BSPH1: variants seen among roughly 807,000 people sequenced by gnomAD.
BSPH1 encodes the protein binder of sperm 1.
In BSPH1, 21 loss-of-function variants were observed where a neutral mutation model predicts 22.5. The observed-to-expected ratio is 0.93, with a 90% CI of 0.66 to 1.35. The LOEUF is 1.35. Ranked by LOEUF, BSPH1 falls within the 40% of genes most tolerant of loss-of-function variation. The pLI, the probability that BSPH1 is intolerant of heterozygous loss-of-function variation, is 0.00. For missense variants in BSPH1, 141 were observed against 154.2 expected (o/e 0.91, Z 0.45); for synonymous variants, 42 against 53.6 (o/e 0.78, Z 0.95).
Position 47,974,269 on chromosome 19 carries a change from C to CT in BSPH1, c.*2+2440dup, listed in dbSNP as rs558434334. 7.9e-3 allele frequency among the ~76,000 whole-genome samples: 601 copies of CT among 75,956 alleles called. 10 individuals are homozygous for CT. Among genetic ancestry groups the CT allele is most frequent in the East Asian group, 0.034 (82 of 2,440 alleles). 49.8% of individuals were successfully genotyped at this position (75,956 alleles called of 152,430 possible). On this transcript the variant is annotated intron_variant, in intron 5 of 5. Coordinates refer to ENST00000344839, the MANE Select transcript of BSPH1 (RefSeq NM_001128326.2). ...CCACAGCCACTTTCTCTCTCTCTCT[C>CT]TTTTTTTTTTTTTTTTTTGAGATGG...
At chr19:47,984,584 C>T (rs1381282092) in intron 1 of BSPH1, among the ~76,000 whole-genome samples, 2 of 152,118 alleles carry the variant, frequency 1.3e-5, no homozygotes, top group Non-Finnish European at 2.9e-5. Flanking sequence ...AGAACAAAAT[C>T]ATGTCCTTTT....
At chr19:47,970,337 G>T (rs1173324327) in intron 5 of BSPH1, among the ~76,000 whole-genome samples, 1 of 152,230 alleles carries the variant, frequency 6.6e-6, no homozygotes, top group East Asian at 1.9e-4. Flanking sequence ...GGGATCACAG[G>T]CATGAACGAC....
chr19:47,967,544 C>T (rs1969270377), downstream of BSPH1, among the ~76,000 whole-genome samples: 1 of 152,130 alleles, frequency 6.6e-6, no homozygotes, highest in Non-Finnish European at 1.5e-5. Flanking sequence ...TGCAGATGGC[C>T]ACCCCCTTAG....
chr19:47,979,476 A>AT (rs35111956), intron 3 of BSPH1, 94 bp downstream of exon 3: 10,851 of 661,194 alleles, frequency 0.016, 416 homozygotes, highest in East Asian at 0.14. Flanking sequence ...AGAAAAAATG[A>AT]TTTTTTTTAC....
intron 2 of BSPH1, among the ~76,000 whole-genome samples, chr19:47,979,994 T>C (rs1209711154): frequency 2.0e-5 from 3 of 152,170 alleles, no homozygotes; most frequent in African/African-American, 4.8e-5. Flanking sequence ...TTAAAACTAA[T>C]AATTTTTATT....
intron 5 of BSPH1, among the ~76,000 whole-genome samples, chr19:47,970,092 T>A (rs1358876072): frequency 6.6e-6 from 1 of 152,184 alleles, no homozygotes; most frequent in Non-Finnish European, 1.5e-5. Context: ...GGAGTCTCAC[T>A]CTGTCACTCA....
rs188280416 is a variant in BSPH1 at position 47,991,316 on chromosome 19, T to C, written c.73+693A>G. 3.0e-3 allele frequency among the ~76,000 whole-genome samples: 449 copies of C among 152,180 alleles called. 1 individual carries two copies. The highest frequency in any genetic ancestry group is 0.01 in the African/African-American group (424 of 41,522). The stretch of plus-strand genomic sequence containing the variant: ...CGACCAGCTGATGTCCAAGATTTTA[T>C]AGCCCCTGGAACTAACCACAACCAC... On this transcript the variant is annotated intron_variant, in intron 1 of 5. Transcript: ENST00000344839.
At chr19:47,967,971 T>A (rs965985781), downstream of BSPH1, 1 of 152,180 alleles carries the variant, frequency 6.6e-6, no homozygotes, top group African/African-American at 2.4e-5. Flanking sequence ...GGAAGATGCA[T>A]CTTAGTGGAT....
chr19:47,982,898 G>C (rs1017098784), intron 1 of BSPH1, among the ~76,000 whole-genome samples: 7 of 152,116 alleles, frequency 4.6e-5, no homozygotes, highest in Non-Finnish European at 1.0e-4. Context: ...GAGGTAACTA[G>C]AATAGTCAAA....
At chr19:47,980,839 G>T in intron 2 of BSPH1, 82 bp downstream of exon 2, 1 of 719,716 alleles carries the variant, frequency 1.4e-6, no homozygotes. Context: ...TTTCTTACCA[G>T]GAAAGGGAAT....
chr19:47,984,163 AATAT>A (rs1379417145), intron 1 of BSPH1, among the ~76,000 whole-genome samples: 1 of 135,910 alleles, frequency 7.4e-6, no homozygotes, highest in Non-Finnish European at 1.5e-5. Context: ...AAAAAAAAAA[AATAT>A]ATATATATAT....
chr19:47,983,900 G>A (rs868258907), intron 1 of BSPH1, among the ~76,000 whole-genome samples: 2 of 150,660 alleles, frequency 1.3e-5, no homozygotes, highest in African/African-American at 4.9e-5. Flanking sequence ...GTAGTGGCAC[G>A]ATCTCGGCTC....
At chr19:47,983,266 G>T (rs1280874113) in intron 1 of BSPH1, among the ~76,000 whole-genome samples, 1 of 152,182 alleles carries the variant, frequency 6.6e-6, no homozygotes, top group Non-Finnish European at 1.5e-5. Context: ...TGAGATTCAG[G>T]TGGGAATCCA....
intron 1 of BSPH1, among the ~76,000 whole-genome samples, chr19:47,984,280 A>G (rs1969448467): frequency 1.3e-5 from 2 of 150,152 alleles, no homozygotes; most frequent in Admixed American, 1.3e-4. Flanking sequence ...AAAAATTAAT[A>G]TAGTCCTAGA....
chr19:47,983,257 G>A (rs1342473371), intron 1 of BSPH1, among the ~76,000 whole-genome samples: 7 of 152,234 alleles, frequency 4.6e-5, no homozygotes, highest in Admixed American at 4.6e-4. Context: ...CAGAAACCAT[G>A]AGATTCAGGT....
At chr19:47,976,397 G>T (rs368643188) in intron 5 of BSPH1, among the ~76,000 whole-genome samples, 1 of 152,018 alleles carries the variant, frequency 6.6e-6, no homozygotes, top group Non-Finnish European at 1.5e-5. Context: ...CTCCCAAAGC[G>T]CTGGGATTAT....
At chr19:47,977,706 C>T in intron 3 of BSPH1, 6 of 984,586 alleles carry the variant, frequency 6.1e-6, no homozygotes, top group Non-Finnish European at 7.2e-6. Flanking sequence ...CCCTGCCCTA[C>T]TTCTTTTCCA....
chr19:47,973,227 T>A (rs1423662910), intron 5 of BSPH1, among the ~76,000 whole-genome samples: 14 of 98,102 alleles, frequency 1.4e-4, no homozygotes, highest in African/African-American at 4.9e-4. Context: ...AAAATAATAA[T>A]AATAATAATA....
rs778707595 is a variant in BSPH1 at position 47,976,818 on chromosome 19, CG to C, written c.292del (p.Arg98AlafsTer2). Reference protein sequence around the residue: ...ANCVFPFWYRRLIYWECTDDG... With the variant: ...ANCVFPFWYRXLIYWECTDDG... The stretch of plus-strand genomic sequence containing the variant: ...ATCAGTACACTCCCAGTAGATCAAG[CG>C]TCTGTACCAGAAGGGAAATACACAG... On this transcript the variant is annotated frameshift_variant, in exon 5 of 6. Coordinates refer to ENST00000344839, the MANE Select transcript of BSPH1 (RefSeq NM_001128326.2). LOFTEE classifies it high-confidence loss of function. 93 of 1,551,530 alleles carry C rather than the reference CG, an allele frequency of 6.0e-5. 1 individual carries two copies. In the South Asian group the frequency reaches 1.1e-3, roughly 18 times the overall value.
Sources: gnomAD v4.1 joint callset for allele counts (sites outside exome capture counted in the v4.1 genomes callset) on GRCh38, gnomAD v4.1.1 for gene constraint, MANE v1.5 for transcripts, NCBI Gene and HGNC (gene_info 2026-07-23, HGNC 2026-07-21) for gene names.